Variants in GMDS observed in about 807,000 individuals in gnomAD.
The protein encoded by GMDS is GDP-mannose 4,6 dehydratase.
Under a neutral mutation model 49.9 loss-of-function variants are expected in GMDS, and 20 were observed. The ratio of observed to expected loss-of-function variants is 0.40; its 90% CI spans 0.28 to 0.58. The LOEUF (loss-of-function observed/expected upper bound fraction) is 0.58, where lower values mean the gene tolerates loss of function less well. GMDS is among the 20% of genes least tolerant of loss of function. The pLI is 0.42. For missense variants in GMDS, 362 were observed against 481.4 expected, an observed-to-expected ratio of 0.75 and a Z score of 2.32; for synonymous variants, 177 against 178.6, an observed-to-expected ratio of 0.99 and a Z score of 0.07.
At chr6:2,028,514 C>T (rs1198304155) in intron 4 of GMDS, among the ~76,000 whole-genome samples, 1 of 152,174 alleles carries the variant, frequency 6.6e-6, no homozygotes, top group African/African-American at 2.4e-5. Context: ...AACAATACAT[C>T]TTCGTCGCTC....
At chr6:2,103,663 G>C (rs952186591) in intron 4 of GMDS, among the ~76,000 whole-genome samples, 1 of 152,126 alleles carries the variant, frequency 6.6e-6, no homozygotes, top group African/African-American at 2.4e-5. Flanking sequence ...TACTAAATAT[G>C]ATTCTACTTC....
At chr6:1,708,722 G>A (rs1035148417) in intron 9 of GMDS, among the ~76,000 whole-genome samples, 2 of 152,240 alleles carry the variant, frequency 1.3e-5, no homozygotes, top group South Asian at 2.1e-4. Flanking sequence ...GTGAGCGCCG[G>A]GGGCCTCTGG....
Position 2,016,994 on chromosome 6 carries a change from T to TA in GMDS, c.346-56029dup, listed in dbSNP as rs58394128. 9.0e-3 allele frequency among the ~76,000 whole-genome samples: 1,338 copies of TA among 147,854 alleles called. 9 individuals are homozygous for TA. Among genetic ancestry groups the TA allele is most frequent in the African/African-American group, 0.016 (633 of 40,232 alleles). On this transcript the variant is annotated intron_variant, in intron 4 of 10. Transcript: ENST00000380815. ...TAATCTAAATTTCATCTTGAGAAGC[T>TA]AAAAAAAAAGACAAATCGATCCCCA...
At chr6:2,153,345 G>A (rs1322831594) in intron 1 of GMDS, among the ~76,000 whole-genome samples, 1 of 152,028 alleles carries the variant, frequency 6.6e-6, no homozygotes, top group Non-Finnish European at 1.5e-5. Flanking sequence ...TAATCTGACT[G>A]GCTATAGGAA....
At chr6:1,971,195 C>G (rs1194024695) in intron 4 of GMDS, among the ~76,000 whole-genome samples, 1 of 152,116 alleles carries the variant, frequency 6.6e-6, no homozygotes, top group East Asian at 1.9e-4. Flanking sequence ...TCAGTGGGCA[C>G]TGGGGAGCCA....
intron 9 of GMDS, among the ~76,000 whole-genome samples, chr6:1,710,258 T>C (rs1048626028): frequency 5.3e-5 from 8 of 152,196 alleles, no homozygotes; most frequent in African/African-American, 1.9e-4. Flanking sequence ...GGGGAAAACA[T>C]TTGTGTATGT....
At chr6:2,195,602 CCATAAAAATTACA>C (rs1779242490) in intron 1 of GMDS, among the ~76,000 whole-genome samples, 1 of 152,034 alleles carries the variant, frequency 6.6e-6, no homozygotes, top group East Asian at 1.9e-4. Flanking sequence ...ATAATTAAGT[CCATAAAAATTACA>C]TGTTGATTTC....
At chr6:1,824,878 T>A (rs1331207653) in intron 7 of GMDS, among the ~76,000 whole-genome samples, 1 of 152,212 alleles carries the variant, frequency 6.6e-6, no homozygotes, top group Non-Finnish European at 1.5e-5. Flanking sequence ...TGTGGTACCA[T>A]ACGTTTGTTG....
intron 9 of GMDS, among the ~76,000 whole-genome samples, chr6:1,650,389 G>C (rs1197937480): frequency 6.6e-6 from 1 of 152,064 alleles, no homozygotes; most frequent in East Asian, 1.9e-4. Context: ...AGCCCTCCTG[G>C]TGTGTCCCAT....
intron 4 of GMDS, among the ~76,000 whole-genome samples, chr6:2,066,809 A>G (rs1402140479): frequency 6.6e-6 from 1 of 151,988 alleles, no homozygotes; most frequent in Non-Finnish European, 1.5e-5. Flanking sequence ...CCACACATTA[A>G]TAATGGGAGA....
intron 7 of GMDS, among the ~76,000 whole-genome samples, chr6:1,878,659 A>G (rs1348913266): frequency 6.6e-6 from 1 of 152,254 alleles, no homozygotes; most frequent in Non-Finnish European, 1.5e-5. Context: ...AATACCTGAC[A>G]GCAATTATTT....
chr6:1,960,517 G>A (rs1393061834), intron 5 of GMDS, among the ~76,000 whole-genome samples: 1 of 152,176 alleles, frequency 6.6e-6, no homozygotes, highest in Non-Finnish European at 1.5e-5. Context: ...GATCTGTATG[G>A]AAGGGCTGAA....
At chr6:1,714,234 G>A (rs755314423) in intron 9 of GMDS, among the ~76,000 whole-genome samples, 23 of 152,066 alleles carry the variant, frequency 1.5e-4, no homozygotes, top group Non-Finnish European at 3.4e-4. Flanking sequence ...TAGTCAGGAT[G>A]GTCTCGATCT....
intron 1 of GMDS, among the ~76,000 whole-genome samples, chr6:2,171,206 C>T (rs1324639777): frequency 1.3e-5 from 2 of 152,114 alleles, no homozygotes; most frequent in East Asian, 3.9e-4. Flanking sequence ...TTTCAGTGGT[C>T]TGAGGAGCTT....
rs574441104 is a variant in GMDS, at chr6:2,030,215, G to A, written c.346-69249C>T. Among the ~76,000 whole-genome samples the A allele has an allele frequency of 1.2e-4, 18 of 152,274 alleles. 1 individual carries two copies. The South Asian group carries it at 3.5e-3, about 30-fold the overall frequency. ...GGTTTGGTCTTTGCAAGATCATTTC[G>A]AAATTAAAAGTGGACAAAGATAATA... On this transcript the variant is annotated intron_variant, in intron 4 of 10. Coordinates refer to ENST00000380815, the MANE Select transcript of GMDS (RefSeq NM_001500.4).
At chr6:2,044,808 A>C (rs1769901668) in intron 4 of GMDS, among the ~76,000 whole-genome samples, 1 of 152,136 alleles carries the variant, frequency 6.6e-6, no homozygotes, top group South Asian at 2.1e-4. Context: ...TTCACAGCTA[A>C]ATATGTCTGT....
rs147454681 is a variant in GMDS, at chr6:2,093,830, T to A, written c.345+21941A>T. Among the ~76,000 whole-genome samples the A allele has an allele frequency of 7.0e-3, 1,067 of 152,228 alleles. 11 individuals are homozygous for A. The highest frequency in any genetic ancestry group is 0.025 in the African/African-American group (1,019 of 41,550). ...TCTGGTGTTAAGATTTTAGGTAACT[T>A]TTTTTGGTTTTCCAAATTTGTGCTA... On this transcript the variant is annotated intron_variant, in intron 4 of 10. Coordinates refer to ENST00000380815, the MANE Select transcript of GMDS (RefSeq NM_001500.4).
chr6:1,977,113 T>C (rs997644793), intron 4 of GMDS, among the ~76,000 whole-genome samples: 1 of 152,122 alleles, frequency 6.6e-6, no homozygotes, highest in African/African-American at 2.4e-5. Flanking sequence ...ACTATCCAAG[T>C]TGGAGTTCAG....
intron 9 of GMDS, among the ~76,000 whole-genome samples, chr6:1,705,230 A>G (rs1370924475): frequency 6.6e-6 from 1 of 152,248 alleles, no homozygotes; most frequent in East Asian, 1.9e-4. Context: ...TAATCAGAGT[A>G]CAGGTGCACA....
Sources: allele counts gnomAD v4.1 joint callset (sites outside exome capture counted in the v4.1 genomes callset), GRCh38; gene constraint gnomAD v4.1.1; transcripts MANE v1.5; gene names NCBI Gene and HGNC (gene_info 2026-07-23, HGNC 2026-07-21).